The following CAMK2G variants were observed in gnomAD, a reference collection of about 807,000 sequenced individuals.
CAMK2G encodes the protein calcium/calmodulin-dependent protein kinase type II subunit gamma.
In CAMK2G, 23 loss-of-function variants were observed where a neutral mutation model predicts 88.7. The observed-to-expected ratio is 0.26, with a 90% CI of 0.19 to 0.37. The LOEUF (loss-of-function observed/expected upper bound fraction) is 0.37, where lower values mean the gene tolerates loss of function less well. Ranked by LOEUF, CAMK2G falls within the 10% of genes least tolerant of loss-of-function variation. CAMK2G has a pLI of 1.00. For missense variants in CAMK2G, 476 were observed against 780.8 expected, an observed-to-expected ratio of 0.61 and a Z score of 4.65; for synonymous variants, 263 against 294.8, an observed-to-expected ratio of 0.89 and a Z score of 1.11.
intron 2 of CAMK2G, among the ~76,000 whole-genome samples, chr10:73,866,456 AC>A (rs2095597582): frequency 6.6e-6 from 1 of 151,690 alleles, no homozygotes; most frequent in African/African-American, 2.4e-5. Flanking sequence ...TGACTTAGTG[AC>A]ATTTTCCTAA....
At chr10:73,858,497 C>T (rs1555068381) in intron 3 of CAMK2G, among the ~76,000 whole-genome samples, 1 of 152,236 alleles carries the variant, frequency 6.6e-6, no homozygotes, top group South Asian at 2.1e-4. Flanking sequence ...TGGTTCCCAC[C>T]GGATGCTGGA....
intron 19 of CAMK2G, chr10:73,818,647 T>C (rs1271254590): frequency 2.2e-6 from 1 of 453,326 alleles, no homozygotes; most frequent in Admixed American, 2.4e-5. Flanking sequence ...CCCACAGCCG[T>C]CAGCCCCGCT....
rs765900535 is a variant in CAMK2G at position 73,874,411 on chromosome 10, G to A, written c.51C>T (p.Phe17=). 6.6e-7 allele frequency: 1 copy of A among 1,509,356 alleles called. No individual in the cohort carries two copies. The highest frequency in any genetic ancestry group is 8.9e-7 in the Non-Finnish European group (1 of 1,119,094). 93.5% of individuals were successfully genotyped at this position (1,509,356 alleles called of 1,614,324 possible). The change falls in exon 1 of 23, where the codon TTC becomes TTT. Residue 17 remains phenylalanine (F), a synonymous_variant. Transcript: ENST00000423381. ...CTRFTDDYQL[F]EELGKGAFSV... is the part of the protein sequence containing the mutation. ...GCGGGCCGTACTTGCCAAGCTCCTC[G>A]AAGAGCTGGTAGTCGTCGGTGAAAC...
rs2093685889 is a variant in CAMK2G, at chr10:73,840,467, C to T, written c.947-866G>A. Among the ~76,000 whole-genome samples, 3 of 152,166 alleles carry T rather than the reference C, an allele frequency of 2.0e-5. No individual in the cohort carries two copies. In the South Asian group the frequency reaches 6.2e-4, roughly 32 times the overall value. On this transcript the variant is annotated intron_variant, in intron 12 of 22. Coordinates refer to ENST00000423381, the MANE Select transcript of CAMK2G (RefSeq NM_001367534.1). ...CAGAAGCTTCCGGACAGACTCTGTC[C>T]TCACCTGTCCCAGAGTCAGGGCAGA...
chr10:73,819,614 C>T lies in CAMK2G; in HGVS notation c.1281G>A (p.Ser427=), dbSNP rs773073354. Residue 427 remains serine (S), a synonymous_variant, in exon 19 of 23, where the codon TCG becomes TCA. Transcript: ENST00000423381. ...CCCGGGAGCTCCGTCCTTCAGGCAC[C>T]GAGCTGCCATTCCCAGTGCGGAGCG... is the stretch of plus-strand genomic sequence containing the variant. The part of the protein sequence containing the change: ...AAPLRTGNGS[S]VPEGRSSRDR... 42 of 1,545,992 alleles carry T rather than the reference C, an allele frequency of 2.7e-5. No individual in the cohort carries two copies. The highest frequency in any genetic ancestry group is 3.3e-5 in the Non-Finnish European group (38 of 1,146,804).
In CAMK2G at chr10:73,825,366, T is replaced by C. The variant is rs1172001021; in HGVS notation, c.1087-19A>G. On this transcript the variant is annotated intron_variant, in intron 15 of 22. Coordinates refer to ENST00000423381, the MANE Select transcript of CAMK2G (RefSeq NM_001367534.1). ...TCTGTGGCTGAGACAAGAAAACAGATGGTTTAGTTCCTCCAGAGTCCCCAA... is the reference window on the plus strand; with the variant it reads ...TCTGTGGCTGAGACAAGAAAACAGACGGTTTAGTTCCTCCAGAGTCCCCAA... 6.2e-7 allele frequency: 1 copy of C among 1,606,332 alleles called. No individual in the cohort carries two copies. Among genetic ancestry groups the C allele is most frequent in the East Asian group, 2.2e-5 (1 of 44,852 alleles).
At chr10:73,834,987 G>C (rs949782450) in intron 14 of CAMK2G, among the ~76,000 whole-genome samples, 1 of 148,502 alleles carries the variant, frequency 6.7e-6, no homozygotes, top group East Asian at 2.0e-4. Flanking sequence ...TCATCATGCT[G>C]TTTCAACCTC....
intron 1 of CAMK2G, among the ~76,000 whole-genome samples, chr10:73,873,724 TG>T (rs1211898434): frequency 1.6e-4 from 3 of 18,242 alleles, no homozygotes; most frequent in South Asian, 1.9e-3. Context: ...TGGAAACGTC[TG>T]GGGGGGCGGG....
chr10:73,836,215 A>G (rs1406702159), intron 14 of CAMK2G, among the ~76,000 whole-genome samples: 1 of 152,310 alleles, frequency 6.6e-6, no homozygotes, highest in African/African-American at 2.4e-5. Context: ...AGCTTTCTCC[A>G]GTACGCTCTC....
chr10:73,839,042 G>T lies in CAMK2G; in HGVS notation c.1009+497C>A, dbSNP rs923412714. On this transcript the variant is annotated intron_variant, in intron 13 of 22. Transcript: ENST00000423381. The surrounding 1 kb of genome is among the most constrained non-coding windows in gnomAD (Gnocchi z 4.2). ...TGTGACTCGCTCAGGGTGTGGCAGG[G>T]CTAGGATGTGAACCCAGAAACAGCT... 6.6e-6 allele frequency among the ~76,000 whole-genome samples: 1 copy of T among 152,200 alleles called. No individual in the cohort carries two copies. The highest frequency in any genetic ancestry group is 2.4e-5 in the African/African-American group (1 of 41,452).
chr10:73,868,512 C>T (rs892778399), intron 2 of CAMK2G, among the ~76,000 whole-genome samples: 1 of 152,182 alleles, frequency 6.6e-6, no homozygotes, highest in African/African-American at 2.4e-5. Flanking sequence ...AAAGTAGAGG[C>T]GCTCCATCAC....
intron 2 of CAMK2G, among the ~76,000 whole-genome samples, chr10:73,870,489 C>A (rs59247757): frequency 2.0e-5 from 3 of 151,384 alleles, no homozygotes; most frequent in Non-Finnish European, 4.4e-5. Context: ...CTCGATTGGA[C>A]CCCCCCAGAA....
At chr10:73,847,037 C>T (rs2094298836) in intron 10 of CAMK2G, 188 bp downstream of exon 10, 1 of 581,202 alleles carries the variant, frequency 1.7e-6, no homozygotes, top group Non-Finnish European at 3.0e-6. Flanking sequence ...GCCCACCAGC[C>T]CCATCAGCCT....
intron 15 of CAMK2G, among the ~76,000 whole-genome samples, chr10:73,826,818 C>T (rs1006933780): frequency 4.6e-5 from 7 of 152,176 alleles, no homozygotes; most frequent in African/African-American, 1.7e-4. Flanking sequence ...GACCTGAAGC[C>T]GTCCACCGCC....
intron 1 of CAMK2G, 34 bp from the exon 2 acceptor site, chr10:73,873,117 G>C: frequency 1.4e-6 from 2 of 1,401,916 alleles, no homozygotes; most frequent in South Asian, 1.2e-5. Context: ...CTGGGACACG[G>C]AGCAGGGCAG....
intron 20 of CAMK2G, 58 bp from the exon 21 acceptor site, chr10:73,817,175 T>G: frequency 6.5e-7 from 1 of 1,548,868 alleles, no homozygotes; most frequent in Non-Finnish European, 8.7e-7. Flanking sequence ...CTTGTCTTCC[T>G]TCCTTATCAG....
chr10:73,837,830 C>T (rs1453284545), intron 13 of CAMK2G, among the ~76,000 whole-genome samples: 1 of 152,146 alleles, frequency 6.6e-6, no homozygotes, highest in East Asian at 1.9e-4. Context: ...TCCACCCAGG[C>T]CTGGAAGCAG....
chr10:73,848,645 C>T lies in CAMK2G; in HGVS notation c.518-36G>A. 1 of 1,225,636 alleles carries T rather than the reference C, an allele frequency of 8.2e-7. No homozygotes were observed. Among genetic ancestry groups the T allele is most frequent in the South Asian group, 1.3e-5 (1 of 78,846 alleles). 75.9% of individuals were successfully genotyped at this position (1,225,636 alleles called of 1,614,324 possible). A position where few individuals can be genotyped will look rare whatever the true frequency, so the allele number is the denominator to read the frequency against. On this transcript the variant is annotated intron_variant, in intron 7 of 22. Coordinates refer to ENST00000423381, the MANE Select transcript of CAMK2G (RefSeq NM_001367534.1). The surrounding 1 kb of genome is among the most constrained non-coding windows in gnomAD (Gnocchi z 4.5). ...AGAGAGGGCAGAGGCATACTGAACC[C>T]ACTTTCTCTCTCGTTAAATCCACAC...
At chr10:73,860,384 G>A (rs1470151691) in intron 3 of CAMK2G, among the ~76,000 whole-genome samples, 1 of 152,158 alleles carries the variant, frequency 6.6e-6, no homozygotes, top group African/African-American at 2.4e-5. Context: ...ACAAATGGGA[G>A]CACCATGGAA....
Sources: allele counts gnomAD v4.1 joint callset (sites outside exome capture counted in the v4.1 genomes callset), GRCh38; gene constraint gnomAD v4.1.1; non-coding constraint Gnocchi (gnomAD v3.1); transcripts MANE v1.5; gene names NCBI Gene and HGNC (gene_info 2026-07-23, HGNC 2026-07-21).